SGSM3: variants seen among roughly 807,000 people sequenced by gnomAD.
The protein encoded by SGSM3 is RUN and SH3 containing 3.
SGSM3 carries 96 observed loss-of-function variants against 100.5 expected under a neutral mutation model. The observed-to-expected ratio is 0.96, with a 90% CI of 0.81 to 1.13. The LOEUF is 1.13. Among genes scored for constraint, SGSM3 ranks in the 50% most tolerant of loss-of-function variants. SGSM3 has a pLI of 0.00. For synonymous variants in SGSM3, 483 were observed against 422.8 expected, an observed-to-expected ratio of 1.14 and a Z score of -1.75; for missense variants, 1,001 against 1,015.8, an observed-to-expected ratio of 0.99 and a Z score of 0.20.
intron 2 of SGSM3, among the ~76,000 whole-genome samples, chr22:40,401,279 G>C (rs1258693384): frequency 2.0e-5 from 3 of 151,848 alleles, no homozygotes; most frequent in African/African-American, 7.3e-5. Context: ...TTGAGGCAGA[G>C]TTTCGCTCTT....
chr22:40,396,419 C>T (rs998649446), intron 1 of SGSM3, among the ~76,000 whole-genome samples: 1 of 151,892 alleles, frequency 6.6e-6, no homozygotes, highest in Non-Finnish European at 1.5e-5. Context: ...CGGCGAAACC[C>T]CAACTCTACT....
Position 40,404,673 on chromosome 22 carries a change from G to T in SGSM3, c.474+9G>T. 6.3e-7 allele frequency: 1 copy of T among 1,591,854 alleles called. No individual in the cohort carries two copies. The highest frequency in any genetic ancestry group is 8.6e-7 in the Non-Finnish European group (1 of 1,162,770). On this transcript the variant is annotated intron_variant, in intron 6 of 21. Transcript: ENST00000248929. ...CCATCGCTGCCAAGCAGGTGAGGCC[G>T]GTGGCACTGTGCAGGAAGAGCTGGA...
chr22:40,404,157 C>A, intron 4 of SGSM3, 90 bp from the exon 5 acceptor site: 1 of 1,147,774 alleles, frequency 8.7e-7, no homozygotes, highest in Non-Finnish European at 1.2e-6. Flanking sequence ...AGCCATGAAG[C>A]TCAGACCCTC....
chr22:40,393,740 G>A (rs2049679689), intron 1 of SGSM3, among the ~76,000 whole-genome samples: 2 of 152,170 alleles, frequency 1.3e-5, no homozygotes, highest in South Asian at 4.1e-4. Context: ...CGTTTGTTGA[G>A]GGCCTTCTTG....
chr22:40,405,549 C>G lies in SGSM3; in HGVS notation c.619-100C>G, dbSNP rs181631117. 5,460 of 1,161,390 alleles carry G rather than the reference C, an allele frequency of 4.7e-3. 18 individuals carry two copies. The highest frequency in any genetic ancestry group is 5.3e-3 in the Non-Finnish European group (4,313 of 816,228). 71.9% of individuals were successfully genotyped at this position (1,161,390 alleles called of 1,614,324 possible). ...GCCTGGGTTCCAGCATGCGTGCCCC[C>G]CAAGAGGCTTTTGCTAATTGGTCTC... On this transcript the variant is annotated intron_variant, in intron 7 of 21. Transcript: ENST00000248929.
At chr22:40,376,621 C>T (rs929287371) in intron 1 of SGSM3, 2 of 152,150 alleles carry the variant, frequency 1.3e-5, no homozygotes, top group Admixed American at 6.5e-5. Context: ...TGTATTAACT[C>T]ACAATCCTCA....
intron 1 of SGSM3, among the ~76,000 whole-genome samples, chr22:40,395,750 G>A (rs988758011): frequency 2.0e-5 from 3 of 152,180 alleles, no homozygotes; most frequent in African/African-American, 7.2e-5. Context: ...GGCCTTGCCT[G>A]TGGCCACTCC....
At chr22:40,393,335 C>T (rs1335799821) in intron 1 of SGSM3, among the ~76,000 whole-genome samples, 2 of 152,330 alleles carry the variant, frequency 1.3e-5, no homozygotes, top group Middle Eastern at 3.4e-3. Context: ...CCAGGCTGGT[C>T]GCAAACTCCT....
intron 4 of SGSM3, among the ~76,000 whole-genome samples, chr22:40,403,688 GC>G (rs1335637839): frequency 6.6e-6 from 1 of 152,200 alleles, no homozygotes; most frequent in Non-Finnish European, 1.5e-5. Flanking sequence ...GCGCTGGAAA[GC>G]CCTTGGCTTT....
intron 1 of SGSM3, among the ~76,000 whole-genome samples, chr22:40,372,057 G>A (rs2045615592): frequency 6.8e-6 from 1 of 147,404 alleles, no homozygotes; most frequent in Non-Finnish European, 1.5e-5. Flanking sequence ...CTAAGTGAAT[G>A]TAGCTTTTTC....
chr22:40,404,004 CG>C lies in SGSM3; in HGVS notation c.158-240del, dbSNP rs1192182575. ...AGAATGGAGGTGTCATTTCTGGATC[CG>C]GGTAGTACTATGGTAGGAGTGGCTT... On this transcript the variant is annotated intron_variant, in intron 4 of 21. Transcript: ENST00000248929. 1.3e-5 allele frequency: 5 copies of C among 372,210 alleles called. No homozygotes were observed. In the East Asian group the frequency reaches 2.0e-4, roughly 15 times the overall value. The allele number at this position is 372,210 out of a possible 1,614,324, so 23.1% of individuals were successfully genotyped here.
chr22:40,376,971 G>C (rs1700964685), intron 1 of SGSM3, among the ~76,000 whole-genome samples: 1 of 152,154 alleles, frequency 6.6e-6, no homozygotes, highest in African/African-American at 2.4e-5. Flanking sequence ...GACCATCACT[G>C]TCCGGCAGGA....
In SGSM3 at chr22:40,405,277, C is replaced by T. The variant is rs2051312222; in HGVS notation, c.611C>T (p.Thr204Ile). 2 of 1,508,258 alleles carry T rather than the reference C, an allele frequency of 1.3e-6. No individual in the cohort carries two copies. The highest frequency in any genetic ancestry group is 1.3e-5 in the South Asian group (1 of 76,070). The allele number at this position is 1,508,258 out of a possible 1,614,324, so 93.4% of individuals were successfully genotyped here. A position where few individuals can be genotyped will look rare whatever the true frequency, so the allele number is the denominator to read the frequency against. The change falls in exon 7 of 22, where the codon ACC becomes ATC. Residue 204 changes from threonine to isoleucine, a missense_variant. By Grantham distance (89) the Thr-to-Ile change is moderately conservative. Coordinates refer to ENST00000248929, the MANE Select transcript of SGSM3 (RefSeq NM_015705.6). ...LYPEIGYCQG[T>I]GMVAACLLLF... ...CCAGAGATCGGCTACTGCCAGGGCACCGGCATGGTGAGCACAGCCCCAGAA... is the reference window on the plus strand; with the variant it reads ...CCAGAGATCGGCTACTGCCAGGGCATCGGCATGGTGAGCACAGCCCCAGAA...
intron 1 of SGSM3, among the ~76,000 whole-genome samples, chr22:40,385,961 C>T (rs2048352879): frequency 6.6e-6 from 1 of 152,152 alleles, no homozygotes; most frequent in African/African-American, 2.4e-5. Context: ...AGGCGATTCT[C>T]CTATCTCAAC....
intron 1 of SGSM3, among the ~76,000 whole-genome samples, chr22:40,371,492 G>C (rs931444309): frequency 6.6e-6 from 1 of 152,048 alleles, no homozygotes; most frequent in Non-Finnish European, 1.5e-5. Flanking sequence ...ATCAGACTCT[G>C]ATTCACAAAA....
At chr22:40,380,120 A>G (rs2047316598) in intron 1 of SGSM3, among the ~76,000 whole-genome samples, 2 of 152,178 alleles carry the variant, frequency 1.3e-5, no homozygotes, top group African/African-American at 4.8e-5. Flanking sequence ...TACAGAACCT[A>G]GTCCTGAGAG....
chr22:40,372,796 T>A (rs1279365178), intron 1 of SGSM3: 1 of 152,210 alleles, frequency 6.6e-6, no homozygotes, highest in Non-Finnish European at 1.5e-5. Context: ...AGTTTTTCTC[T>A]TCTTAGTTCT....
chr22:40,401,405 G>A (rs969098360), intron 2 of SGSM3, among the ~76,000 whole-genome samples, 188 bp from the exon 3 acceptor site: 6 of 152,064 alleles, frequency 3.9e-5, no homozygotes, highest in African/African-American at 7.2e-5. Context: ...GTGCCACCAC[G>A]CCCAGCTAAT....
intron 15 of SGSM3, 73 bp downstream of exon 15, chr22:40,408,193 C>T: frequency 6.2e-7 from 1 of 1,606,644 alleles, no homozygotes; most frequent in Non-Finnish European, 8.5e-7. Context: ...CGAGTCCTGG[C>T]CTGTAGCATG....
Sources: gnomAD v4.1 joint callset for allele counts (sites outside exome capture counted in the v4.1 genomes callset) on GRCh38, gnomAD v4.1.1 for gene constraint, MANE v1.5 for transcripts, NCBI Gene and HGNC (gene_info 2026-07-23, HGNC 2026-07-21) for gene names.